The following CSMD1 variants were observed in gnomAD, a reference collection of about 807,000 sequenced individuals.
CSMD1 encodes CUB and sushi domain-containing protein 1.
In CSMD1, 213 loss-of-function variants were observed where a neutral mutation model predicts 417.5. That is an observed-to-expected ratio of 0.51 (90% CI 0.46 to 0.57). The LOEUF (loss-of-function observed/expected upper bound fraction) is 0.57, where lower values mean the gene tolerates loss of function less well. Among genes scored for constraint, CSMD1 ranks in the 20% least tolerant of loss-of-function variants. The pLI is 0.00. For synonymous variants in CSMD1, 2,862 were observed against 1,736.8 expected, an observed-to-expected ratio of 1.65 and a Z score of -16.11; for missense variants, 6,923 against 4,529.7, an observed-to-expected ratio of 1.53 and a Z score of -15.17.
chr8:3,369,933 C>G (rs2116707222), intron 18 of CSMD1, among the ~76,000 whole-genome samples: 1 of 152,276 alleles, frequency 6.6e-6, no homozygotes, highest in African/African-American at 2.4e-5. Flanking sequence ...GTAAGTCTCT[C>G]AATCCTTTAC....
intron 1 of CSMD1, among the ~76,000 whole-genome samples, chr8:4,949,538 G>A (rs564095395): frequency 5.3e-5 from 8 of 152,242 alleles, no homozygotes; most frequent in African/African-American, 1.2e-4. Flanking sequence ...ATGTCCAGAC[G>A]TGCTTAGTTG....
chr8:3,556,740 G>T (rs1323668572), intron 10 of CSMD1, among the ~76,000 whole-genome samples: 1 of 151,886 alleles, frequency 6.6e-6, no homozygotes, highest in Non-Finnish European at 1.5e-5. Flanking sequence ...CTCTCTCAAA[G>T]CTTTATTAGC....
intron 1 of CSMD1, among the ~76,000 whole-genome samples, chr8:4,683,033 GA>G (rs1806147435): frequency 6.9e-6 from 1 of 145,650 alleles, no homozygotes; most frequent in African/African-American, 2.5e-5. Flanking sequence ...CACTTCTTGT[GA>G]AATATAAGTA....
chr8:3,319,553 A>G (rs948223308), intron 23 of CSMD1, among the ~76,000 whole-genome samples: 2 of 152,220 alleles, frequency 1.3e-5, no homozygotes, highest in Non-Finnish European at 2.9e-5. Flanking sequence ...ATATTGAAAT[A>G]TAATTCTATG....
At chr8:3,426,885 A>G (rs1343385483) in intron 12 of CSMD1, among the ~76,000 whole-genome samples, 1 of 152,296 alleles carries the variant, frequency 6.6e-6, no homozygotes, top group African/African-American at 2.4e-5. Context: ...TTTATAAAGG[A>G]AAGAGGTTTA....
intron 2 of CSMD1, among the ~76,000 whole-genome samples, chr8:4,453,493 T>A (rs908135496): frequency 6.6e-6 from 1 of 152,166 alleles, no homozygotes; most frequent in Non-Finnish European, 1.5e-5. Flanking sequence ...TTCAAAGCCA[T>A]GCATCCTTCA....
At chr8:3,800,410 C>A (rs989819100) in intron 5 of CSMD1, among the ~76,000 whole-genome samples, 1 of 152,086 alleles carries the variant, frequency 6.6e-6, no homozygotes, top group Non-Finnish European at 1.5e-5. Context: ...ATTATTGACA[C>A]CTGTGAAGTG....
intron 1 of CSMD1, among the ~76,000 whole-genome samples, chr8:4,790,098 A>G (rs1436352604): frequency 6.6e-6 from 1 of 152,176 alleles, no homozygotes; most frequent in Non-Finnish European, 1.5e-5. Flanking sequence ...GGAAAATACT[A>G]AGCTCCATCA....
At chr8:3,579,562 T>A (rs1425564470) in intron 9 of CSMD1, among the ~76,000 whole-genome samples, 1 of 152,180 alleles carries the variant, frequency 6.6e-6, no homozygotes, top group African/African-American at 2.4e-5. Flanking sequence ...AAATCATTTT[T>A]ATCAAGCACA....
In CSMD1 at chr8:2,999,980, A is replaced by C. The variant is rs571962320; in HGVS notation, c.8181T>G (p.Ser2727=). ...TACGGACACAGACAGGCGTTTGTCC[A>C]GACCACTTGTGGTCTTGCAGGCATA... ...VRICLQDHKW[S]GQTPVCVPIT... Residue 2727 remains serine (S), a synonymous_variant, in exon 53 of 70, where the codon TCT becomes TCG. Coordinates refer to ENST00000635120, the MANE Select transcript of CSMD1 (RefSeq NM_033225.6). The C allele has an allele frequency of 1.2e-6, 2 of 1,610,248 alleles. No homozygotes were observed. Among genetic ancestry groups the C allele is most frequent in the East Asian group, 4.5e-5 (2 of 44,656 alleles).
chr8:3,577,983 C>A (rs538458731), intron 9 of CSMD1, among the ~76,000 whole-genome samples: 1 of 152,240 alleles, frequency 6.6e-6, no homozygotes, highest in East Asian at 1.9e-4. Flanking sequence ...GATGTCCACA[C>A]GGTGGTGAAC....
At chr8:3,847,914 A>G (rs1197287705) in intron 5 of CSMD1, among the ~76,000 whole-genome samples, 1 of 152,200 alleles carries the variant, frequency 6.6e-6, no homozygotes, top group Non-Finnish European at 1.5e-5. Flanking sequence ...CTCCTTATAA[A>G]TAAAGGTAAG....
chr8:3,158,450 G>A (rs1180830575), intron 38 of CSMD1, among the ~76,000 whole-genome samples: 2 of 152,150 alleles, frequency 1.3e-5, no homozygotes, highest in East Asian at 3.9e-4. Context: ...CCAGGGTTCA[G>A]CAAAGCACTG....
intron 54 of CSMD1, among the ~76,000 whole-genome samples, chr8:2,995,433 C>A (rs1806799795): frequency 6.6e-6 from 1 of 152,170 alleles, no homozygotes; most frequent in South Asian, 2.1e-4. Context: ...TCATCGCCCA[C>A]ACATGTTGGG....
chr8:4,117,182 C>G (rs992428618), intron 3 of CSMD1, among the ~76,000 whole-genome samples: 4 of 151,948 alleles, frequency 2.6e-5, no homozygotes, highest in Admixed American at 6.6e-5. Context: ...TATTATTCAT[C>G]TCGATGGTTG....
chr8:4,166,582 T>C (rs764350399), intron 3 of CSMD1, among the ~76,000 whole-genome samples: 65 of 152,144 alleles, frequency 4.3e-4, no homozygotes, highest in Non-Finnish European at 7.9e-4. Context: ...GAGAATGATA[T>C]AATGGACTTT....
chr8:4,708,726 C>A (rs1444514798), intron 1 of CSMD1, among the ~76,000 whole-genome samples: 2 of 151,912 alleles, frequency 1.3e-5, no homozygotes, highest in Non-Finnish European at 2.9e-5. Flanking sequence ...AATTGTGACC[C>A]CCTAAAGATT....
chr8:2,985,361 G>A (rs1053598313), intron 54 of CSMD1, among the ~76,000 whole-genome samples: 2 of 151,566 alleles, frequency 1.3e-5, no homozygotes, highest in Non-Finnish European at 2.9e-5. Context: ...GTTTCACCAC[G>A]TGAGGCAGGA....
At chr8:3,497,357 AC>A (rs1354211687) in intron 10 of CSMD1, among the ~76,000 whole-genome samples, 2 of 152,038 alleles carry the variant, frequency 1.3e-5, no homozygotes, top group African/African-American at 4.8e-5. Context: ...CAATTGTTAT[AC>A]ATTATTTTTG....
Sources: gnomAD v4.1 joint callset for allele counts (sites outside exome capture counted in the v4.1 genomes callset) on GRCh38, gnomAD v4.1.1 for gene constraint, MANE v1.5 for transcripts, NCBI Gene and HGNC (gene_info 2026-07-23, HGNC 2026-07-21) for gene names.